SLC22A25: variants seen among roughly 807,000 people sequenced by gnomAD.
SLC22A25 encodes MGI:2442751, MGI:2385316, MGI:3042283, MGI:3645714, MGI:3605624, MGI:2442750.
A neutral mutation model predicts 45.9 loss-of-function variants in SLC22A25; 44 were observed. The ratio of observed to expected loss-of-function variants is 0.96; its 90% CI spans 0.75 to 1.23. The LOEUF is 1.23. SLC22A25 is among the 50% of genes most tolerant of loss of function. SLC22A25 has a pLI of 0.00. For missense variants in SLC22A25, 800 were observed against 666.4 expected (o/e 1.20, Z -2.21); for synonymous variants, 283 against 238.6 (o/e 1.19, Z -1.72).
At chr11:63,203,282 G>C (rs938601947) in intron 7 of SLC22A25, among the ~76,000 whole-genome samples, 5 of 151,964 alleles carry the variant, frequency 3.3e-5, no homozygotes, top group African/African-American at 1.2e-4. Flanking sequence ...GGCAGCAAGG[G>C]AACAAAACTG....
At chr11:63,203,004 C>T (rs1003079438) in intron 7 of SLC22A25, among the ~76,000 whole-genome samples, 2 of 152,162 alleles carry the variant, frequency 1.3e-5, no homozygotes, top group Non-Finnish European at 2.9e-5. Flanking sequence ...GCTGGTGATA[C>T]CCAGGGAAAC....
intron 7 of SLC22A25, among the ~76,000 whole-genome samples, chr11:63,200,433 G>A (rs1300067481): frequency 6.6e-6 from 1 of 150,378 alleles, no homozygotes; most frequent in Non-Finnish European, 1.5e-5. Flanking sequence ...ATACAGAAAA[G>A]GCTTTCAATA....
At position 63,163,503 on chromosome 11, in the gene SLC22A25, T is replaced by C. The variant is rs891507201; in HGVS notation, c.*321A>G. On this transcript the variant is annotated 3_prime_UTR_variant, in exon 12 of 12. Transcript: ENST00000306494. ...CAGCTAACAGGTACACTCACTGGGCTGAGGGCTCCCCAGGGATGAGAAGAT... is the reference window on the plus strand; with the variant it reads ...CAGCTAACAGGTACACTCACTGGGCCGAGGGCTCCCCAGGGATGAGAAGAT... Among the ~76,000 whole-genome samples, 1 of 152,162 alleles carries C rather than the reference T, an allele frequency of 6.6e-6. No homozygotes were observed. The highest frequency in any genetic ancestry group is 2.4e-5 in the African/African-American group (1 of 41,454).
At chr11:63,189,989 A>G (rs1248660655) in intron 7 of SLC22A25, among the ~76,000 whole-genome samples, 1 of 151,908 alleles carries the variant, frequency 6.6e-6, no homozygotes, top group African/African-American at 2.4e-5. Flanking sequence ...TTTTTCCTTC[A>G]TTTCAACTTT....
rs369501587 is a variant in SLC22A25 at position 63,241,756 on chromosome 11, A to G, written c.-996+1678T>C. Among the ~76,000 whole-genome samples the G allele has an allele frequency of 1.7e-4, 26 of 152,306 alleles. 1 individual carries two copies. In the East Asian group the frequency reaches 2.3e-3, roughly 14 times the overall value. On this transcript the variant is annotated intron_variant, in intron 1 of 11. Transcript: ENST00000306494. ...CCTAGAAAGGCTATTTTCTTCTGTC[A>G]TCTGATCACAACAGACACCCAAGCA...
intron 9 of SLC22A25, among the ~76,000 whole-genome samples, chr11:63,175,682 G>C (rs957020634): frequency 3.9e-5 from 6 of 151,934 alleles, no homozygotes; most frequent in African/African-American, 1.2e-4. Flanking sequence ...CAAAACTAAT[G>C]TCATGAAGCT....
Position 63,163,908 on chromosome 11 carries a change from G to T in SLC22A25, c.1560C>A (p.Asn520Lys), listed in dbSNP as rs770907865. 4 of 1,613,932 alleles carry T rather than the reference G, an allele frequency of 2.5e-6. No individual in the cohort carries two copies. The South Asian group carries it at 3.3e-5, about 13-fold the overall frequency. ...CCTGGATGCTGTCAAGAAGAGGCTG[G>T]TTCCTGGTTTCAGGAAGGAGGAGGA... ...LVVLLLPETR[N>K]QPLLDSIQDV... is the part of the protein sequence containing the mutation. Residue 520 changes from asparagine (N) to lysine (K), a missense_variant, in exon 12 of 12, where the codon AAC becomes AAA. By Grantham distance (94) the Asn-to-Lys change is moderately conservative (BLOSUM62 0). Coordinates refer to ENST00000306494, the MANE Select transcript of SLC22A25 (RefSeq NM_199352.6).
chr11:63,240,922 A>G (rs1199668040), intron 1 of SLC22A25, among the ~76,000 whole-genome samples: 1 of 152,180 alleles, frequency 6.6e-6, no homozygotes, highest in African/African-American at 2.4e-5. Flanking sequence ...CTCATTCCAA[A>G]CAAGCCAGCA....
At position 63,217,571 on chromosome 11, in the gene SLC22A25, A is replaced by G. The variant is rs768206711; in HGVS notation, c.661+10T>C. On this transcript the variant is annotated intron_variant, in intron 6 of 11. Transcript: ENST00000306494. Reference sequence around the variant, plus strand: ...GGCTTGGAAAATGTGGATCGAAAATATTGACTTACTTAACAAAACAGTATT... The same window carrying G: ...GGCTTGGAAAATGTGGATCGAAAATGTTGACTTACTTAACAAAACAGTATT... 2.7e-5 allele frequency: 44 copies of G among 1,611,094 alleles called. No homozygotes were observed. Among genetic ancestry groups the G allele is most frequent in the Non-Finnish European group, 3.6e-5 (43 of 1,178,638 alleles).
intron 3 of SLC22A25, among the ~76,000 whole-genome samples, chr11:63,236,439 A>G (rs1590923922): frequency 6.6e-6 from 1 of 152,308 alleles, no homozygotes; most frequent in South Asian, 2.1e-4. Flanking sequence ...GGAACCTCCA[A>G]GCCATGTGTG....
At chr11:63,240,369 T>A (rs1029522159) in intron 1 of SLC22A25, among the ~76,000 whole-genome samples, 1 of 152,168 alleles carries the variant, frequency 6.6e-6, no homozygotes, top group Admixed American at 6.5e-5. Flanking sequence ...TTTTGTTGTG[T>A]TAATTCCAAC....
At chr11:63,166,363 A>C in intron 9 of SLC22A25, 105 bp from the exon 10 acceptor site, 1 of 1,477,758 alleles carries the variant, frequency 6.8e-7, no homozygotes, top group South Asian at 1.4e-5. Flanking sequence ...TAAAGTAAAA[A>C]GGCAGAGTGT....
At chr11:63,165,641 T>TGAC (rs2087653311) in intron 10 of SLC22A25, among the ~76,000 whole-genome samples, 1 of 152,182 alleles carries the variant, frequency 6.6e-6, no homozygotes, top group Non-Finnish European at 1.5e-5. Context: ...ACAGAAGCTG[T>TGAC]AGTGGTAAGA....
intron 5 of SLC22A25, chr11:63,217,967 A>T: frequency 1.6e-6 from 1 of 638,538 alleles, no homozygotes; most frequent in Non-Finnish European, 2.8e-6. Context: ...TTGCCAGTAG[A>T]TCATTGATAC....
At chr11:63,205,979 C>A (rs2089391298) in intron 7 of SLC22A25, among the ~76,000 whole-genome samples, 1 of 152,136 alleles carries the variant, frequency 6.6e-6, no homozygotes, top group South Asian at 2.1e-4. Flanking sequence ...CCCTGGGATG[C>A]AAGGCTGGTT....
At chr11:63,205,380 G>T (rs980098961) in intron 7 of SLC22A25, among the ~76,000 whole-genome samples, 2 of 151,594 alleles carry the variant, frequency 1.3e-5, no homozygotes, top group African/African-American at 2.4e-5. Context: ...GCTGTTTTTT[G>T]AAAAAAATAA....
chr11:63,196,337 A>C (rs1420848260), intron 7 of SLC22A25, among the ~76,000 whole-genome samples: 1 of 152,192 alleles, frequency 6.6e-6, no homozygotes, highest in East Asian at 1.9e-4. Flanking sequence ...CCTGATGAAC[A>C]TCGATGCAAA....
At chr11:63,176,779 A>G (rs989840696) in intron 9 of SLC22A25, among the ~76,000 whole-genome samples, 1 of 152,038 alleles carries the variant, frequency 6.6e-6, no homozygotes, top group African/African-American at 2.4e-5. Flanking sequence ...ATGTTAAAGG[A>G]AGAGCTTTCA....
At chr11:63,203,213 A>G (rs941665508) in intron 7 of SLC22A25, among the ~76,000 whole-genome samples, 5 of 152,198 alleles carry the variant, frequency 3.3e-5, no homozygotes, top group Non-Finnish European at 5.9e-5. Context: ...AAACCAGTGC[A>G]AAAAGGCTGA....
Sources: gnomAD v4.1 joint callset for allele counts (sites outside exome capture counted in the v4.1 genomes callset) on GRCh38, gnomAD v4.1.1 for gene constraint, MANE v1.5 for transcripts, NCBI Gene and HGNC (gene_info 2026-07-23, HGNC 2026-07-21) for gene names.